WWTR1: variants seen among roughly 807,000 people sequenced by gnomAD.
The protein encoded by WWTR1 is WW domain-containing transcription regulator protein 1.
WWTR1 carries 13 observed loss-of-function variants against 40.1 expected under a neutral mutation model. The ratio of observed to expected loss-of-function variants is 0.32; its 90% CI spans 0.21 to 0.52. The LOEUF is 0.52. WWTR1 is among the 20% of genes least tolerant of loss of function. The pLI is 0.97. For synonymous variants in WWTR1, 230 were observed against 210.1 expected, an observed-to-expected ratio of 1.09 and a Z score of -0.82; for missense variants, 436 against 523.1, an observed-to-expected ratio of 0.83 and a Z score of 1.63.
At chr3:149,550,453 G>T (rs183050170) in intron 3 of WWTR1, among the ~76,000 whole-genome samples, 4 of 152,250 alleles carry the variant, frequency 2.6e-5, no homozygotes, top group Admixed American at 2.6e-4. Flanking sequence ...AACTTGCAAG[G>T]CTGATATTCT....
chr3:149,684,261 C>T (rs1170323298), intron 1 of WWTR1, among the ~76,000 whole-genome samples: 2 of 152,006 alleles, frequency 1.3e-5, no homozygotes, highest in Non-Finnish European at 2.9e-5. Flanking sequence ...GGTTCAAATG[C>T]CCTTCCGCCT....
At chr3:149,646,178 G>T (rs1712517490) in intron 2 of WWTR1, among the ~76,000 whole-genome samples, 1 of 152,228 alleles carries the variant, frequency 6.6e-6, no homozygotes, top group Non-Finnish European at 1.5e-5. Flanking sequence ...GTAAATAGAT[G>T]AATTGATTAA....
chr3:149,554,937 T>C (rs1736756355), intron 3 of WWTR1, among the ~76,000 whole-genome samples: 1 of 152,242 alleles, frequency 6.6e-6, no homozygotes, highest in South Asian at 2.1e-4. Context: ...TATAATTCCA[T>C]GGTTGGGCAA....
chr3:149,669,403 C>G (rs910462221), intron 2 of WWTR1, among the ~76,000 whole-genome samples: 13 of 152,194 alleles, frequency 8.5e-5, no homozygotes, highest in Admixed American at 7.2e-4. Flanking sequence ...ACATACCCAT[C>G]TGAACTCAAA....
chr3:149,553,385 C>G (rs1256709333), intron 3 of WWTR1, among the ~76,000 whole-genome samples: 1 of 152,068 alleles, frequency 6.6e-6, no homozygotes, highest in Non-Finnish European at 1.5e-5. Flanking sequence ...ATGAAAAAGT[C>G]TAACAGACTA....
chr3:149,720,854 CT>C (rs1468962505), intron 4 of WWTR1, among the ~76,000 whole-genome samples: 1 of 151,812 alleles, frequency 6.6e-6, no homozygotes, highest in African/African-American at 2.4e-5. Context: ...AAGTTAATTC[CT>C]AGGTACTTTA....
intron 2 of WWTR1, among the ~76,000 whole-genome samples, chr3:149,653,538 C>T (rs1713022553): frequency 6.6e-6 from 1 of 152,160 alleles, no homozygotes; most frequent in African/African-American, 2.4e-5. Flanking sequence ...TATCTGAATA[C>T]CACAGGACAC....
chr3:149,591,810 C>T (rs936271785), intron 2 of WWTR1, among the ~76,000 whole-genome samples: 7 of 151,896 alleles, frequency 4.6e-5, no homozygotes, highest in Non-Finnish European at 7.4e-5. Flanking sequence ...TACTCAGACC[C>T]GTAATAAATA....
intron 3 of WWTR1, among the ~76,000 whole-genome samples, chr3:149,559,428 T>C (rs1215499683): frequency 1.3e-5 from 2 of 150,852 alleles, no homozygotes; most frequent in Admixed American, 6.6e-5. Flanking sequence ...AAAAAAAATA[T>C]GTAGATAGAT....
At chr3:149,556,789 A>T (rs1186937630) in intron 3 of WWTR1, among the ~76,000 whole-genome samples, 1 of 152,194 alleles carries the variant, frequency 6.6e-6, no homozygotes. Context: ...CCCAAGCAAA[A>T]CAAAATAAAA....
At chr3:149,668,418 C>T (rs553874519) in intron 2 of WWTR1, among the ~76,000 whole-genome samples, 67 of 151,990 alleles carry the variant, frequency 4.4e-4, no homozygotes, top group Non-Finnish European at 8.8e-4. Context: ...ACCAGCCTGG[C>T]CGACATGGTG....
At chr3:149,656,789 TCTCACA>T (rs1261433641) in intron 2 of WWTR1, 81 bp downstream of exon 2, 70 of 792,926 alleles carry the variant, frequency 8.8e-5, no homozygotes, top group South Asian at 4.3e-4. Context: ...TCTCTCTCTC[TCTCACA>T]CACACACACA....
At chr3:149,544,756 C>G (rs1240279671) in intron 3 of WWTR1, among the ~76,000 whole-genome samples, 2 of 152,182 alleles carry the variant, frequency 1.3e-5, no homozygotes, top group Admixed American at 1.3e-4. Context: ...TAAAGACAAT[C>G]TGCCTTCAAT....
chr3:149,572,224 A>C (rs1343535113), intron 3 of WWTR1, among the ~76,000 whole-genome samples: 1 of 152,132 alleles, frequency 6.6e-6, no homozygotes, highest in Admixed American at 6.6e-5. Flanking sequence ...GGGGTTTTGG[A>C]AGGCTTTCAT....
At chr3:149,689,437 A>G (rs546147704) in intron 1 of WWTR1, among the ~76,000 whole-genome samples, 5 of 142,686 alleles carry the variant, frequency 3.5e-5, no homozygotes, top group Admixed American at 3.4e-4. Context: ...AATAACCCAA[A>G]TAAGACCATA....
At chr3:149,686,647 T>C (rs540831112) in intron 1 of WWTR1, among the ~76,000 whole-genome samples, 25 of 152,228 alleles carry the variant, frequency 1.6e-4, no homozygotes, top group African/African-American at 5.8e-4. Flanking sequence ...CCTAAACCAA[T>C]GCTAGGAAAT....
intron 1 of WWTR1, among the ~76,000 whole-genome samples, chr3:149,676,896 T>C (rs1199706315): frequency 1.3e-5 from 2 of 150,550 alleles, no homozygotes; most frequent in East Asian, 3.9e-4. Flanking sequence ...TCCACCCTCC[T>C]CAGTCAACTA....
intron 5 of WWTR1, among the ~76,000 whole-genome samples, chr3:149,713,052 C>T (rs900166196): frequency 1.3e-5 from 2 of 152,086 alleles, no homozygotes; most frequent in African/African-American, 2.4e-5. Flanking sequence ...ACATCTGCTG[C>T]GTATGAGAGT....
Position 149,520,698 on chromosome 3 carries a change from T to C in WWTR1, c.*107A>G, listed in dbSNP as rs1215498637. ...CATAAAAAGGAGGGAGCACGAGTCATGGAGGCGGGAAGTGGTGCACCTGCA... is the reference window on the plus strand; with the variant it reads ...CATAAAAAGGAGGGAGCACGAGTCACGGAGGCGGGAAGTGGTGCACCTGCA... On this transcript the variant is annotated 3_prime_UTR_variant, in exon 7 of 7. Transcript: ENST00000360632. The C allele has an allele frequency of 1.9e-6, 2 of 1,068,624 alleles. No individual in the cohort carries two copies. The highest frequency in any genetic ancestry group is 2.6e-6 in the Non-Finnish European group (2 of 783,972). The allele number at this position is 1,068,624 out of a possible 1,614,324, so 66.2% of individuals were successfully genotyped here.
Sources: allele counts gnomAD v4.1 joint callset (sites outside exome capture counted in the v4.1 genomes callset), GRCh38; gene constraint gnomAD v4.1.1; transcripts MANE v1.5; gene names NCBI Gene and HGNC (gene_info 2026-07-23, HGNC 2026-07-21).